The following KCNC2 variants were observed in gnomAD, a reference collection of about 807,000 sequenced individuals.
KCNC2 encodes the protein potassium voltage-gated channel subfamily C member 2, also known as voltage-gated potassium channel KCNC2.
KCNC2 carries 21 observed loss-of-function variants against 44.5 expected under a neutral mutation model. The observed-to-expected ratio is 0.47, with a 90% CI of 0.33 to 0.68. The LOEUF is 0.68. KCNC2 is among the 30% of genes least tolerant of loss of function. The pLI, the probability that KCNC2 is intolerant of heterozygous loss-of-function variation, is 0.01. For synonymous variants in KCNC2, 391 were observed against 339.1 expected (o/e 1.15, Z -1.68); for missense variants, 589 against 826.2 (o/e 0.71, Z 3.52).
At chr12:75,179,981 T>C (rs1892469944) in intron 2 of KCNC2, among the ~76,000 whole-genome samples, 1 of 151,766 alleles carries the variant, frequency 6.6e-6, no homozygotes, top group African/African-American at 2.4e-5. Flanking sequence ...GACTGTGTGC[T>C]AAACATGAAA....
Position 75,122,300 on chromosome 12 carries a change from T to C in KCNC2, c.688-70983A>G, listed in dbSNP as rs536763174. Among the ~76,000 whole-genome samples the C allele has an allele frequency of 5.9e-5, 9 of 152,356 alleles. 1 individual carries two copies. The South Asian group carries it at 1.0e-3, about 18-fold the overall frequency. On this transcript the variant is annotated intron_variant, in intron 2 of 4. Coordinates refer to ENST00000549446, the MANE Select transcript of KCNC2 (RefSeq NM_139137.4). ...CCATTCAAATATCACAACTGTCTTA[T>C]GAGTAGGCACTATAATTCCCATTTC...
In KCNC2 at chr12:75,139,025, A is replaced by G. The variant is rs574593180; in HGVS notation, c.687+68272T>C. Among the ~76,000 whole-genome samples the G allele has an allele frequency of 2.1e-4, 32 of 150,970 alleles. No homozygotes were observed. The South Asian group carries it at 6.5e-3, about 31-fold the overall frequency. ...AAAAAAACCAAGAAAGAAAAAAAGG[A>G]AAAAGAAAATGGGATACCGGTTAGA... is the stretch of plus-strand genomic sequence containing the variant. On this transcript the variant is annotated intron_variant, in intron 2 of 4. Transcript: ENST00000549446.
intron 2 of KCNC2, among the ~76,000 whole-genome samples, chr12:75,121,401 G>T (rs549169327): frequency 6.6e-6 from 1 of 152,240 alleles, no homozygotes; most frequent in South Asian, 2.1e-4. Flanking sequence ...TGAAAAATAG[G>T]CATGATCTCT....
chr12:75,207,696 G>A lies in KCNC2; in HGVS notation c.288C>T (p.Pro96=), dbSNP rs758529094. The A allele has an allele frequency of 4.4e-6, 7 of 1,595,028 alleles. No individual in the cohort carries two copies. The highest frequency in any genetic ancestry group is 6.0e-6 in the Non-Finnish European group (7 of 1,171,766). ...SSRGGRASDH[P]GGGREFFFDR... ...CGAAGAAGAACTCGCGGCCGCCACC[G>A]GGATGGTCGCTGGCCCTGCCGCCGC... is the stretch of plus-strand genomic sequence containing the variant. Residue 96 remains proline, a synonymous_variant, in exon 2 of 5, where the codon CCC becomes CCT. Coordinates refer to ENST00000549446, the MANE Select transcript of KCNC2 (RefSeq NM_139137.4). The surrounding 1 kb of genome is among the most constrained non-coding windows in gnomAD (Gnocchi z 4.1).
chr12:75,157,548 C>T (rs1006806549), intron 2 of KCNC2, among the ~76,000 whole-genome samples: 2 of 151,886 alleles, frequency 1.3e-5, no homozygotes, highest in East Asian at 1.9e-4. Context: ...TGGACCTGTG[C>T]GTCTTTAAAC....
intron 2 of KCNC2, among the ~76,000 whole-genome samples, chr12:75,132,151 AC>A (rs527982885): frequency 1.4e-3 from 220 of 152,052 alleles, no homozygotes; most frequent in African/African-American, 5.1e-3. Flanking sequence ...AAAGCAATAT[AC>A]CCCTCATAGC....
chr12:75,111,691 A>G (rs942668547), intron 2 of KCNC2, among the ~76,000 whole-genome samples: 6 of 152,106 alleles, frequency 3.9e-5, no homozygotes, highest in African/African-American at 1.4e-4. Flanking sequence ...ATGCATTAAA[A>G]TAGAAAATGT....
At chr12:75,052,791 T>C (rs1012827782) in intron 2 of KCNC2, among the ~76,000 whole-genome samples, 7 of 152,070 alleles carry the variant, frequency 4.6e-5, no homozygotes, top group Admixed American at 4.6e-4. Context: ...TAAAATATCT[T>C]AGGACTGTGG....
chr12:75,182,468 C>T (rs1426550526), intron 2 of KCNC2, among the ~76,000 whole-genome samples: 10 of 148,802 alleles, frequency 6.7e-5, no homozygotes, highest in Non-Finnish European at 1.2e-4. Flanking sequence ...GCTTAGTGAG[C>T]CCAGATCGCG....
At chr12:75,185,989 T>A (rs1259636260) in intron 2 of KCNC2, among the ~76,000 whole-genome samples, 1 of 151,450 alleles carries the variant, frequency 6.6e-6, no homozygotes. Flanking sequence ...GAGGTTGCAG[T>A]GAGCCAAGAC....
intron 2 of KCNC2, among the ~76,000 whole-genome samples, chr12:75,123,233 T>G (rs777627361): frequency 1.4e-4 from 22 of 152,202 alleles, no homozygotes; most frequent in Non-Finnish European, 2.6e-4. Context: ...AAGGAAGTTT[T>G]TACTGCATAG....
rs1452169874 is a variant in KCNC2, at chr12:75,076,036, CAT to C, written c.688-24721_688-24720del. Among the ~76,000 whole-genome samples the C allele has an allele frequency of 8.9e-5, 9 of 100,566 alleles. 1 individual carries two copies. Among genetic ancestry groups the C allele is most frequent in the South Asian group, 7.6e-4 (2 of 2,636 alleles). 66.0% of individuals were successfully genotyped at this position (100,566 alleles called of 152,430 possible). ...TTGGCTTAATGCCTTATTAATGTTACATACACACACACACACACACACACACA... is the reference window on the plus strand; with the variant it reads ...TTGGCTTAATGCCTTATTAATGTTACACACACACACACACACACACACACA... On this transcript the variant is annotated intron_variant, in intron 2 of 4. Transcript: ENST00000549446.
At chr12:75,182,843 C>A (rs180720016) in intron 2 of KCNC2, among the ~76,000 whole-genome samples, 24 of 152,288 alleles carry the variant, frequency 1.6e-4, no homozygotes, top group Admixed American at 4.6e-4. Flanking sequence ...AGTTTTGCTG[C>A]AAATTAGTTA....
chr12:75,199,622 A>T (rs1442734727), intron 2 of KCNC2, among the ~76,000 whole-genome samples: 1 of 151,810 alleles, frequency 6.6e-6, no homozygotes, highest in Non-Finnish European at 1.5e-5. Flanking sequence ...GTATTTACTG[A>T]CCTTACAACA....
intron 2 of KCNC2, among the ~76,000 whole-genome samples, chr12:75,112,901 C>T (rs938179198): frequency 6.6e-6 from 1 of 152,032 alleles, no homozygotes; most frequent in East Asian, 1.9e-4. Context: ...TTTACAATTG[C>T]CTACGGTAGG....
chr12:75,154,981 CA>C (rs1485081992), intron 2 of KCNC2, among the ~76,000 whole-genome samples: 5 of 151,818 alleles, frequency 3.3e-5, no homozygotes, highest in Non-Finnish European at 5.9e-5. Context: ...CAAGTTTCAA[CA>C]CACTTTTTTA....
intron 2 of KCNC2, among the ~76,000 whole-genome samples, chr12:75,188,186 T>G (rs2029874556): frequency 6.6e-6 from 1 of 152,092 alleles, no homozygotes; most frequent in Non-Finnish European, 1.5e-5. Flanking sequence ...GCCAGAGGAG[T>G]TATCGATCTT....
intron 2 of KCNC2, among the ~76,000 whole-genome samples, chr12:75,167,760 C>T (rs1891553102): frequency 6.6e-6 from 1 of 151,118 alleles, no homozygotes; most frequent in South Asian, 2.1e-4. Flanking sequence ...TAATTCAACC[C>T]AATAATTTTT....
intron 2 of KCNC2, among the ~76,000 whole-genome samples, chr12:75,061,750 T>C (rs1882365324): frequency 6.6e-6 from 1 of 152,158 alleles, no homozygotes; most frequent in East Asian, 1.9e-4. Context: ...CCTAAAACTT[T>C]CTAATTTATA....
Sources: gnomAD v4.1 joint callset for allele counts (sites outside exome capture counted in the v4.1 genomes callset) on GRCh38, gnomAD v4.1.1 for gene constraint, Gnocchi (gnomAD v3.1) non-coding constraint, MANE v1.5 for transcripts, NCBI Gene and HGNC (gene_info 2026-07-23, HGNC 2026-07-21) for gene names.